Variants in JADE3 observed in about 807,000 individuals in gnomAD.
JADE3 encodes the protein jade family PHD finger 3.
JADE3 carries 2 observed loss-of-function variants against 50.1 expected under a neutral mutation model. The observed-to-expected ratio is 0.04, with a 90% CI of 0.02 to 0.13. JADE3 has a LOEUF of 0.13. Among genes scored for constraint, JADE3 ranks in the 10% least tolerant of loss-of-function variants. The pLI, the probability that JADE3 is intolerant of heterozygous loss-of-function variation, is 1.00. For synonymous variants in JADE3, 218 were observed against 232.9 expected, an observed-to-expected ratio of 0.94 and a Z score of 0.58; for missense variants, 475 against 634.4, an observed-to-expected ratio of 0.75 and a Z score of 2.70.
At chrX:47,050,696 C>T (rs1416186199) in intron 8 of JADE3, among the ~76,000 whole-genome samples, 2 of 111,822 alleles carry the variant, frequency 1.8e-5, no homozygotes, top group Non-Finnish European at 3.8e-5. Flanking sequence ...TTTGTCTCTA[C>T]ATTCTATAAA....
intron 1 of JADE3, among the ~76,000 whole-genome samples, chrX:46,941,841 G>A (rs1197525403): frequency 1.8e-5 from 2 of 108,211 alleles, no homozygotes; most frequent in African/African-American, 6.8e-5. Context: ...AGGCTCAGGT[G>A]ATCCCCCTGC....
chrX:46,981,684 TAA>T (rs1927756728), intron 1 of JADE3, among the ~76,000 whole-genome samples: 1 of 112,334 alleles, frequency 8.9e-6, no homozygotes, highest in Non-Finnish European at 1.9e-5. Flanking sequence ...ATTAGTTTTT[TAA>T]ATGACAGCTT....
intron 3 of JADE3, among the ~76,000 whole-genome samples, chrX:46,993,263 C>T (rs1174380051): frequency 3.6e-5 from 4 of 111,748 alleles, no homozygotes; most frequent in African/African-American, 6.5e-5. Flanking sequence ...AATGAAAGCT[C>T]ATATATTTTA....
chrX:47,009,144 G>A (rs1928501735), intron 4 of JADE3, among the ~76,000 whole-genome samples: 1 of 110,409 alleles, frequency 9.1e-6, no homozygotes, highest in Non-Finnish European at 1.9e-5. Context: ...GCAACATAGT[G>A]AGACCTCGTC....
chrX:47,049,181 CTTTT>C (rs376747614), intron 8 of JADE3, among the ~76,000 whole-genome samples: 2 of 77,559 alleles, frequency 2.6e-5, no homozygotes, highest in Non-Finnish European at 4.7e-5. Flanking sequence ...CTTTCTTCTT[CTTTT>C]TTTTTTTTTT....
At position 47,041,383 on chromosome X, in the gene JADE3, G is replaced by A. The variant is rs782555084; in HGVS notation, c.972+2318G>A. Among the ~76,000 whole-genome samples, 4 of 110,501 alleles carry A rather than the reference G, an allele frequency of 3.6e-5. No homozygotes were observed. In the South Asian group the frequency reaches 1.5e-3, roughly 42 times the overall value. On this transcript the variant is annotated intron_variant, in intron 8 of 10. Transcript: ENST00000614628. ...TATTTTCTTTATTGTGGTCACTGTAGTTTCCCCCATTTTTGCTTTTGTTGT... is the reference window on the plus strand; with the variant it reads ...TATTTTCTTTATTGTGGTCACTGTAATTTCCCCCATTTTTGCTTTTGTTGT...
chrX:47,051,712 G>A (rs1295338477), intron 8 of JADE3, among the ~76,000 whole-genome samples: 6 of 109,630 alleles, frequency 5.5e-5, no homozygotes, highest in African/African-American at 1.3e-4. Context: ...CAAGAGAATC[G>A]ATTGAACCCA....
chrX:46,915,630 T>G (rs1407161537), intron 1 of JADE3, among the ~76,000 whole-genome samples: 4 of 111,605 alleles, frequency 3.6e-5, no homozygotes, highest in African/African-American at 1.3e-4. Flanking sequence ...CTTTGAGTTT[T>G]CTGATTTCTG....
chrX:47,015,005 C>G (rs1297788669), intron 4 of JADE3, among the ~76,000 whole-genome samples: 1 of 112,020 alleles, frequency 8.9e-6, no homozygotes, highest in Non-Finnish European at 1.9e-5. Flanking sequence ...AAAATTATCT[C>G]CACCTTCCAA....
intron 1 of JADE3, among the ~76,000 whole-genome samples, chrX:46,922,062 C>G (rs1215923743): frequency 9.2e-6 from 1 of 108,644 alleles, no homozygotes; most frequent in African/African-American, 3.4e-5. Flanking sequence ...AATGCTATCC[C>G]TCCCCCAGTC....
chrX:47,016,687 CTT>C (rs201278423), intron 4 of JADE3, among the ~76,000 whole-genome samples: 12 of 98,179 alleles, frequency 1.2e-4, no homozygotes, highest in Non-Finnish European at 6.2e-5. Flanking sequence ...TAATGTTTGT[CTT>C]TTTTTTTTTT....
At chrX:46,962,692 AAAGG>A (rs1292363213) in intron 1 of JADE3, among the ~76,000 whole-genome samples, 2 of 112,195 alleles carry the variant, frequency 1.8e-5, no homozygotes, top group African/African-American at 6.5e-5. Flanking sequence ...TAAGAGAAGC[AAAGG>A]AAGGAAGCTT....
intron 1 of JADE3, among the ~76,000 whole-genome samples, chrX:46,942,787 T>G (rs1460319632): frequency 8.9e-6 from 1 of 112,314 alleles, no homozygotes; most frequent in African/African-American, 3.2e-5. Context: ...CGTAAATTGC[T>G]TTGGGCATTA....
At chrX:47,015,481 G>T (rs1427434020) in intron 4 of JADE3, among the ~76,000 whole-genome samples, 3 of 108,416 alleles carry the variant, frequency 2.8e-5, no homozygotes, top group African/African-American at 1.0e-4. Context: ...CTACTCGGGA[G>T]GCTGAGGCAT....
At chrX:47,015,255 A>G (rs1454817223) in intron 4 of JADE3, among the ~76,000 whole-genome samples, 1 of 112,419 alleles carries the variant, frequency 8.9e-6, no homozygotes, top group Non-Finnish European at 1.9e-5. Context: ...TATGGAGAAA[A>G]TATTACAAAA....
At chrX:46,988,571 A>G (rs781987929) in intron 3 of JADE3, among the ~76,000 whole-genome samples, 66 of 112,064 alleles carry the variant, frequency 5.9e-4, no homozygotes, top group Non-Finnish European at 1.1e-3. Flanking sequence ...CAAAGTTTCC[A>G]TAATGGAGTG....
chrX:46,961,679 A>C (rs782391739), intron 1 of JADE3, among the ~76,000 whole-genome samples: 2 of 111,546 alleles, frequency 1.8e-5, no homozygotes, highest in South Asian at 7.6e-4. Flanking sequence ...ACACTGGACG[A>C]AAGATCTTAT....
chrX:46,917,241 C>T (rs188064231), intron 1 of JADE3, among the ~76,000 whole-genome samples: 151 of 39,903 alleles, frequency 3.8e-3, no homozygotes, highest in African/African-American at 0.014. Flanking sequence ...CTGGTGGGGG[C>T]GGGTGGGGGT....
chrX:47,046,783 C>G (rs1929388285), intron 8 of JADE3, among the ~76,000 whole-genome samples: 1 of 112,340 alleles, frequency 8.9e-6, no homozygotes, highest in Non-Finnish European at 1.9e-5. Context: ...GTCCCTCATG[C>G]TGAAGATACG....
Sources: allele counts gnomAD v4.1 joint callset (sites outside exome capture counted in the v4.1 genomes callset), GRCh38; gene constraint gnomAD v4.1.1; transcripts MANE v1.5; gene names NCBI Gene and HGNC (gene_info 2026-07-23, HGNC 2026-07-21).